The following CFAP299 variants were observed in gnomAD, a reference collection of about 807,000 sequenced individuals.
CFAP299 encodes cilia- and flagella-associated protein 299.
A neutral mutation model predicts 27.0 loss-of-function variants in CFAP299; 21 were observed. That is an observed-to-expected ratio of 0.78 (90% CI 0.55 to 1.12). The LOEUF is 1.12. Ranked by LOEUF, CFAP299 falls within the 50% of genes most tolerant of loss-of-function variation. CFAP299 has a pLI of 0.00. For synonymous variants in CFAP299, 104 were observed against 98.1 expected (o/e 1.06, Z -0.36); for missense variants, 310 against 276.6 (o/e 1.12, Z -0.86).
chr4:80,418,459 C>T (rs1379242456), intron 2 of CFAP299, among the ~76,000 whole-genome samples: 1 of 152,172 alleles, frequency 6.6e-6, no homozygotes, highest in African/African-American at 2.4e-5. Flanking sequence ...ATCTGATTAA[C>T]ATATCACCTC....
intron 2 of CFAP299, among the ~76,000 whole-genome samples, chr4:80,577,397 A>ATTTT (rs34922224): frequency 0.032 from 3,125 of 98,706 alleles, 146 homozygotes; most frequent in African/African-American, 0.053. Context: ...ATTAGAAAAC[A>ATTTT]TTTTTTTTTT....
chr4:80,955,584 T>A (rs1014883828), intron 5 of CFAP299, among the ~76,000 whole-genome samples: 1 of 152,216 alleles, frequency 6.6e-6, no homozygotes, highest in Non-Finnish European at 1.5e-5. Context: ...TTAAATAAAT[T>A]ATGATACATG....
chr4:80,581,453 G>GATATAGATATAT (rs1553936103), intron 2 of CFAP299, among the ~76,000 whole-genome samples: 2 of 103,032 alleles, frequency 1.9e-5, no homozygotes, highest in African/African-American at 1.3e-4. Flanking sequence ...TATTAAGTGA[G>GATATAGATATAT]ATATATATAT....
intron 2 of CFAP299, among the ~76,000 whole-genome samples, chr4:80,538,963 T>C (rs547684544): frequency 3.3e-5 from 5 of 152,340 alleles, no homozygotes; most frequent in African/African-American, 1.2e-4. Context: ...TTAATAGGTT[T>C]TTAGTTGGCT....
the CFAP299 span, among the ~76,000 whole-genome samples, chr4:80,325,956 C>A: frequency 1.3e-5 from 2 of 152,192 alleles, no homozygotes; most frequent in African/African-American, 4.8e-5. Context: ...AAGCTCCTAT[C>A]CACAGGCTGA....
chr4:80,886,265 G>A lies in CFAP299; in HGVS notation c.476+16130G>A, dbSNP rs540151113. Among the ~76,000 whole-genome samples, 4 of 152,296 alleles carry A rather than the reference G, an allele frequency of 2.6e-5. No individual in the cohort carries two copies. In the South Asian group the frequency reaches 8.3e-4, roughly 32 times the overall value. ...CAGACAGCATTTCTGAATGTGCCCA[G>A]GGCCTGGGGAAACTCTTTACTTTCA... On this transcript the variant is annotated intron_variant, in intron 4 of 5. Coordinates refer to ENST00000358105, the MANE Select transcript of CFAP299 (RefSeq NM_152770.3).
intron 2 of CFAP299, among the ~76,000 whole-genome samples, chr4:80,514,437 C>G (rs575039288): frequency 6.6e-6 from 1 of 151,894 alleles, no homozygotes; most frequent in African/African-American, 2.4e-5. Flanking sequence ...CCAAAAAACG[C>G]GTATATCTTA....
chr4:80,377,210 A>G (rs754683936), intron 2 of CFAP299, among the ~76,000 whole-genome samples: 1 of 152,068 alleles, frequency 6.6e-6, no homozygotes, highest in Non-Finnish European at 1.5e-5. Context: ...AGTTACAAGT[A>G]TCTTTTCTAT....
chr4:80,668,680 T>C (rs1243158975), intron 3 of CFAP299, among the ~76,000 whole-genome samples: 3 of 152,294 alleles, frequency 2.0e-5, no homozygotes, highest in South Asian at 2.1e-4. Flanking sequence ...TTAATGCCAG[T>C]ATTAAGCTTA....
intron 3 of CFAP299, among the ~76,000 whole-genome samples, chr4:80,686,275 A>T (rs1248022591): frequency 6.6e-6 from 1 of 152,144 alleles, no homozygotes; most frequent in African/African-American, 2.4e-5. Context: ...CACACCAAAG[A>T]GATGCTATTA....
intron 3 of CFAP299, among the ~76,000 whole-genome samples, chr4:80,804,511 T>A (rs1188642273): frequency 6.6e-6 from 1 of 152,182 alleles, no homozygotes; most frequent in East Asian, 1.9e-4. Context: ...ACATTTTGCT[T>A]ATCCATCCAT....
At chr4:80,642,621 G>A (rs1739785020) in intron 3 of CFAP299, among the ~76,000 whole-genome samples, 2 of 152,038 alleles carry the variant, frequency 1.3e-5, no homozygotes, top group Admixed American at 1.3e-4. Flanking sequence ...AAAATTAGCT[G>A]GGTGTGGTGG....
chr4:80,849,919 A>G (rs1335598867), intron 3 of CFAP299, among the ~76,000 whole-genome samples: 3 of 152,178 alleles, frequency 2.0e-5, no homozygotes, highest in Non-Finnish European at 4.4e-5. Flanking sequence ...TGGATATGCT[A>G]ATTACCCAGA....
In CFAP299 at chr4:80,591,121, T is replaced by A. The variant is rs970343232; in HGVS notation, c.333+7938T>A. On this transcript the variant is annotated intron_variant, in intron 3 of 5. Transcript: ENST00000358105. Reference sequence around the variant, plus strand: ...CTTTAGGAAATTTTTTTTTTTTTTTTTTTTTTTTTTATTTTTTTTTGAGAC... The same window carrying A: ...CTTTAGGAAATTTTTTTTTTTTTTTATTTTTTTTTTATTTTTTTTTGAGAC... Among the ~76,000 whole-genome samples, 173 of 144,894 alleles carry A rather than the reference T, an allele frequency of 1.2e-3. 2 individuals carry two copies. Among genetic ancestry groups the A allele is most frequent in the African/African-American group, 3.9e-3 (157 of 40,200 alleles).
At chr4:80,352,089 T>G (rs935781187) in intron 1 of CFAP299, among the ~76,000 whole-genome samples, 2 of 152,034 alleles carry the variant, frequency 1.3e-5, no homozygotes, top group East Asian at 3.9e-4. Context: ...TTAATATAGA[T>G]AAATGAGTCA....
intron 3 of CFAP299, among the ~76,000 whole-genome samples, chr4:80,653,226 C>T (rs947633793): frequency 5.9e-5 from 9 of 152,064 alleles, no homozygotes; most frequent in South Asian, 2.1e-4. Flanking sequence ...TTTTGACAAA[C>T]GGCAGATCTA....
rs190504920 is a variant in CFAP299 at position 80,853,744 on chromosome 4, T to C, written c.334-16249T>C. 2.3e-4 allele frequency among the ~76,000 whole-genome samples: 35 copies of C among 152,262 alleles called. No homozygotes were observed. The East Asian group carries it at 5.4e-3, about 23-fold the overall frequency. On this transcript the variant is annotated intron_variant, in intron 3 of 5. Transcript: ENST00000358105. Reference sequence around the variant, plus strand: ...AATGGATTGAAATGAATGTGAAGTGTCATGAAAAGTAGGCATCAAGAAGAA... The same window carrying C: ...AATGGATTGAAATGAATGTGAAGTGCCATGAAAAGTAGGCATCAAGAAGAA...
intron 3 of CFAP299, among the ~76,000 whole-genome samples, chr4:80,630,649 G>A (rs1739161439): frequency 6.6e-6 from 1 of 151,884 alleles, no homozygotes; most frequent in African/African-American, 2.4e-5. Context: ...GAAGTGTGCT[G>A]TATATATGTT....
upstream of CFAP299, among the ~76,000 whole-genome samples, chr4:80,332,262 G>A (rs1373713589): frequency 6.6e-6 from 1 of 152,208 alleles, no homozygotes; most frequent in Non-Finnish European, 1.5e-5. Context: ...GACAGTGATT[G>A]TAGACAGCTC....
Sources: allele counts gnomAD v4.1 joint callset (sites outside exome capture counted in the v4.1 genomes callset), GRCh38; gene constraint gnomAD v4.1.1; transcripts MANE v1.5; gene names NCBI Gene and HGNC (gene_info 2026-07-23, HGNC 2026-07-21).